GALNTL6: variants seen among roughly 807,000 people sequenced by gnomAD.
The protein encoded by GALNTL6 is polypeptide N-acetylgalactosaminyltransferase like 6.
A neutral mutation model predicts 73.7 loss-of-function variants in GALNTL6; 46 were observed. That is an observed-to-expected ratio of 0.62 (90% CI 0.49 to 0.80). The LOEUF is 0.80. Among genes scored for constraint, GALNTL6 ranks in the 30% least tolerant of loss-of-function variants. The probability of loss-of-function intolerance (pLI) is 0.00; values close to 1 mark genes in which losing one functional copy is unlikely to be tolerated. For synonymous variants in GALNTL6, 259 were observed against 263.7 expected, an observed-to-expected ratio of 0.98 and a Z score of 0.17; for missense variants, 604 against 755.0, an observed-to-expected ratio of 0.80 and a Z score of 2.34.
At chr4:172,102,496 T>C (rs1028797532) in intron 2 of GALNTL6, among the ~76,000 whole-genome samples, 2 of 152,152 alleles carry the variant, frequency 1.3e-5, no homozygotes, top group African/African-American at 4.8e-5. Flanking sequence ...GTGGATGATG[T>C]CAGGTGTTTT....
At chr4:172,233,247 T>C (rs1737134383) in intron 3 of GALNTL6, among the ~76,000 whole-genome samples, 1 of 150,488 alleles carries the variant, frequency 6.6e-6, no homozygotes, top group Admixed American at 6.6e-5. Context: ...TGGTGACATG[T>C]GCCTGTGGTC....
intron 5 of GALNTL6, among the ~76,000 whole-genome samples, chr4:172,596,042 TGAAA>T (rs1213718618): frequency 6.6e-6 from 1 of 152,204 alleles, no homozygotes; most frequent in Non-Finnish European, 1.5e-5. Context: ...ATGCAGTTTT[TGAAA>T]GAATTACTAT....
At chr4:172,214,018 TG>T (rs1736414295) in intron 2 of GALNTL6, among the ~76,000 whole-genome samples, 1 of 152,218 alleles carries the variant, frequency 6.6e-6, no homozygotes, top group Admixed American at 6.5e-5. Flanking sequence ...TATTGCTGCA[TG>T]TATTAATGTA....
At chr4:173,027,523 T>C (rs1321013845) in intron 12 of GALNTL6, among the ~76,000 whole-genome samples, 1 of 152,188 alleles carries the variant, frequency 6.6e-6, no homozygotes, top group African/African-American at 2.4e-5. Flanking sequence ...GTCTTAGCCA[T>C]ACAGAAAGTA....
chr4:171,959,638 C>A (rs902607431), intron 2 of GALNTL6, among the ~76,000 whole-genome samples: 1 of 152,138 alleles, frequency 6.6e-6, no homozygotes, highest in Non-Finnish European at 1.5e-5. Context: ...AATCCTTGAA[C>A]CCAGGTGTTC....
chr4:172,658,957 T>G (rs1397176668), intron 5 of GALNTL6, among the ~76,000 whole-genome samples: 2 of 152,202 alleles, frequency 1.3e-5, no homozygotes, highest in Non-Finnish European at 2.9e-5. Context: ...ACCATGAAAT[T>G]TAATATTTAA....
At chr4:172,199,713 G>T (rs1348020636) in intron 2 of GALNTL6, among the ~76,000 whole-genome samples, 1 of 152,034 alleles carries the variant, frequency 6.6e-6, no homozygotes, top group African/African-American at 2.4e-5. Flanking sequence ...TAAACTCCTG[G>T]TAAATAGATC....
chr4:172,124,676 A>G (rs1040140913), intron 2 of GALNTL6, among the ~76,000 whole-genome samples: 5 of 152,240 alleles, frequency 3.3e-5, no homozygotes. Flanking sequence ...AAAAGAAAAA[A>G]ACAAATCTAC....
At chr4:171,942,034 G>A (rs1454565512) in intron 2 of GALNTL6, among the ~76,000 whole-genome samples, 3 of 152,008 alleles carry the variant, frequency 2.0e-5, no homozygotes, top group Admixed American at 6.6e-5. Flanking sequence ...GAGCCCTTTA[G>A]TGTCATTTTA....
chr4:171,888,903 A>C (rs1314938907), intron 2 of GALNTL6, among the ~76,000 whole-genome samples: 1 of 152,132 alleles, frequency 6.6e-6, no homozygotes, highest in Non-Finnish European at 1.5e-5. Flanking sequence ...TACTCTGTAG[A>C]CCAAACACGT....
chr4:172,903,203 CCTAA>C (rs1746716531), intron 8 of GALNTL6, among the ~76,000 whole-genome samples: 1 of 152,032 alleles, frequency 6.6e-6, no homozygotes, highest in Admixed American at 6.6e-5. Flanking sequence ...TATCTGCTCA[CCTAA>C]CTGCCTCAAT....
chr4:171,824,077 T>TTG (rs1301842709), intron 2 of GALNTL6, among the ~76,000 whole-genome samples: 1 of 129,218 alleles, frequency 7.7e-6, no homozygotes, highest in African/African-American at 3.1e-5. Flanking sequence ...CAAATCCATT[T>TTG]TATATATATA....
At chr4:172,003,966 G>A (rs1740752850) in intron 2 of GALNTL6, among the ~76,000 whole-genome samples, 3 of 152,086 alleles carry the variant, frequency 2.0e-5, no homozygotes, top group Admixed American at 2.0e-4. Context: ...TCTGGCTTTT[G>A]AGTATAATTA....
intron 5 of GALNTL6, among the ~76,000 whole-genome samples, chr4:172,750,553 G>T (rs901293452): frequency 6.6e-6 from 1 of 152,152 alleles, no homozygotes; most frequent in Non-Finnish European, 1.5e-5. Context: ...CTAGGAAAAT[G>T]CTCTCATGTC....
intron 5 of GALNTL6, among the ~76,000 whole-genome samples, chr4:172,758,948 G>A (rs7663585): frequency 0.96 from 145,629 of 152,330 alleles, 69,946 homozygotes; most frequent in East Asian, 1. Flanking sequence ...GTAGTACAAT[G>A]CATTTTATCA....
chr4:171,921,383 C>G (rs1737782318), intron 2 of GALNTL6, among the ~76,000 whole-genome samples: 1 of 152,046 alleles, frequency 6.6e-6, no homozygotes. Flanking sequence ...ATCCGTCTAT[C>G]TACCTTGTAC....
chr4:171,867,813 A>G (rs971298070), intron 2 of GALNTL6, among the ~76,000 whole-genome samples: 1 of 152,128 alleles, frequency 6.6e-6, no homozygotes, highest in East Asian at 1.9e-4. Flanking sequence ...GGCTCTGCTT[A>G]CCTCTCTAAC....
chr4:172,574,813 A>T (rs2110957814), intron 5 of GALNTL6, among the ~76,000 whole-genome samples: 1 of 152,264 alleles, frequency 6.6e-6, no homozygotes, highest in East Asian at 1.9e-4. Context: ...TATCTAAAAT[A>T]TATAAACTAT....
At chr4:172,999,292 A>C (rs1259925143) in intron 10 of GALNTL6, among the ~76,000 whole-genome samples, 1 of 151,814 alleles carries the variant, frequency 6.6e-6, no homozygotes, top group Non-Finnish European at 1.5e-5. Context: ...CTTCCACCCC[A>C]CCCCACATGC....
Sources: gnomAD v4.1 joint callset for allele counts (sites outside exome capture counted in the v4.1 genomes callset) on GRCh38, gnomAD v4.1.1 for gene constraint, MANE v1.5 for transcripts, NCBI Gene and HGNC (gene_info 2026-07-23, HGNC 2026-07-21) for gene names.